The following TULP4 variants were observed in gnomAD, a reference collection of about 807,000 sequenced individuals.
TULP4 encodes the protein tubby-related protein 4.
A neutral mutation model predicts 129.0 loss-of-function variants in TULP4; 16 were observed. That is an observed-to-expected ratio of 0.12 (90% CI 0.08 to 0.19). TULP4 has a LOEUF of 0.19. TULP4 is among the 10% of genes least tolerant of loss of function. TULP4 has a pLI of 1.00. For missense variants in TULP4, 1,842 were observed against 2,059.1 expected (o/e 0.89, Z 2.04); for synonymous variants, 998 against 854.0 (o/e 1.17, Z -2.94).
rs1279412556 is a variant in TULP4, at chr6:158,509,981, A to AT, written c.*3289dup. Reference sequence around the variant, plus strand: ...TAGTTTATGAATATCAAGATACCTCATTGAATCCCTAAATTTAAAAGCAGT... The same window carrying AT: ...TAGTTTATGAATATCAAGATACCTCATTTGAATCCCTAAATTTAAAAGCAGT... On this transcript the variant is annotated 3_prime_UTR_variant, in exon 14 of 14. Coordinates refer to ENST00000367097, the MANE Select transcript of TULP4 (RefSeq NM_020245.5). The AT allele has an allele frequency of 6.6e-6, 1 of 152,298 alleles. No individual in the cohort carries two copies. Among genetic ancestry groups the AT allele is most frequent in the Non-Finnish European group, 1.5e-5 (1 of 68,034 alleles). 9.4% of individuals were successfully genotyped at this position (152,298 alleles called of 1,614,324 possible).
chr6:158,332,182 AAAAAAAAAAAAAAAAAAAATATATAT>A lies in TULP4; in HGVS notation c.252+17916_252+17941del, dbSNP rs1174335185. Among the ~76,000 whole-genome samples the A allele has an allele frequency of 8.2e-4, 70 of 85,856 alleles. 1 individual carries two copies. Among genetic ancestry groups the A allele is most frequent in the South Asian group, 2.1e-3 (6 of 2,878 alleles). The allele number at this position is 85,856 out of a possible 152,430, so 56.3% of individuals were successfully genotyped here. A position where few individuals can be genotyped will look rare whatever the true frequency, so the allele number is the denominator to read the frequency against. ...GTAAGACTCTGTCAAAAAAAAAAAA[AAAAAAAAAAAAAAAAAAAATATATAT>A]ATATATATATATATATATATAAATT... is the stretch of plus-strand genomic sequence containing the variant. On this transcript the variant is annotated intron_variant, in intron 1 of 13. Coordinates refer to ENST00000367097, the MANE Select transcript of TULP4 (RefSeq NM_020245.5).
At chr6:158,367,833 G>T (rs2114863276) in intron 1 of TULP4, among the ~76,000 whole-genome samples, 1 of 151,700 alleles carries the variant, frequency 6.6e-6, no homozygotes, top group Non-Finnish European at 1.5e-5. Context: ...TGAAGTTCTG[G>T]GTTTTCCATC....
chr6:158,470,404 T>C (rs828140), intron 6 of TULP4, among the ~76,000 whole-genome samples: 111,209 of 152,244 alleles, frequency 0.73, 41,964 homozygotes, highest in African/African-American at 0.93. Flanking sequence ...GTTGCCGGCT[T>C]GAATGCCTGG....
At chr6:158,438,444 C>T (rs969842955) in intron 3 of TULP4, among the ~76,000 whole-genome samples, 117 of 152,174 alleles carry the variant, frequency 7.7e-4, no homozygotes, top group Non-Finnish European at 1.0e-3. Flanking sequence ...ACCTGCAGCA[C>T]CGGAGAGGCA....
At chr6:158,350,618 G>A (rs1489403535) in intron 1 of TULP4, among the ~76,000 whole-genome samples, 7 of 152,138 alleles carry the variant, frequency 4.6e-5, no homozygotes, top group Admixed American at 1.3e-4. Context: ...CCAGGCACTC[G>A]GCAGGCCGAG....
At chr6:158,273,654 T>C (rs1778588470) in intron 1 of TULP4, among the ~76,000 whole-genome samples, 1 of 152,218 alleles carries the variant, frequency 6.6e-6, no homozygotes, top group Non-Finnish European at 1.5e-5. Flanking sequence ...TTGGGAATTA[T>C]TCATAACTGT....
At chr6:158,274,662 A>G (rs113317328) in intron 1 of TULP4, among the ~76,000 whole-genome samples, 1 of 151,856 alleles carries the variant, frequency 6.6e-6, no homozygotes, top group South Asian at 2.1e-4. Flanking sequence ...CTGTAGTCCC[A>G]GCTACTCGGG....
rs1562572660 is a variant in TULP4 at position 158,453,509 on chromosome 6, A to AG, written c.859+1242dup. On this transcript the variant is annotated intron_variant, in intron 5 of 13. Coordinates refer to ENST00000367097, the MANE Select transcript of TULP4 (RefSeq NM_020245.5). ...ACAAAAAAAAAAAAAAAAAAAAAAA[A>AG]GCCGGGCACGGTAGCTCACGCCTGT... Among the ~76,000 whole-genome samples, 94 of 128,266 alleles carry AG rather than the reference A, an allele frequency of 7.3e-4. 1 individual carries two copies. The highest frequency in any genetic ancestry group is 2.8e-3 in the African/African-American group (89 of 32,056). The allele number at this position is 128,266 out of a possible 152,430, so 84.1% of individuals were successfully genotyped here. A position where few individuals can be genotyped will look rare whatever the true frequency, so the allele number is the denominator to read the frequency against.
intron 6 of TULP4, among the ~76,000 whole-genome samples, chr6:158,475,085 GTCTTGTGTACTA>G (rs1779787635): frequency 1.3e-5 from 2 of 152,280 alleles, no homozygotes; most frequent in Admixed American, 1.3e-4. Flanking sequence ...CGCATGGCAT[GTCTTGTGTACTA>G]GCAGGAGGAG....
chr6:158,428,949 A>G (rs964587337), intron 2 of TULP4, among the ~76,000 whole-genome samples: 6 of 152,210 alleles, frequency 3.9e-5, no homozygotes, highest in African/African-American at 9.7e-5. Flanking sequence ...CTGGTGATGC[A>G]CAGTATGCAC....
intron 6 of TULP4, among the ~76,000 whole-genome samples, chr6:158,472,016 T>C (rs773395458): frequency 7.2e-5 from 11 of 152,226 alleles, no homozygotes; most frequent in Non-Finnish European, 1.3e-4. Context: ...TGGCATTGTG[T>C]TCCTTCTACA....
intron 1 of TULP4, among the ~76,000 whole-genome samples, chr6:158,368,066 C>CA (rs3085241): frequency 0.054 from 3,508 of 64,882 alleles, 163 homozygotes; most frequent in African/African-American, 0.064. Flanking sequence ...ACCCTGTCTC[C>CA]AAAAAAAAAA....
chr6:158,427,471 CTTTTTTTTTTTTTTTTTTTTTTTTT>C (rs557678837), intron 2 of TULP4, among the ~76,000 whole-genome samples: 51 of 74,138 alleles, frequency 6.9e-4, no homozygotes, highest in South Asian at 1.2e-3. Flanking sequence ...ATTATCAGAC[CTTTTTTTTTTTTTTTTTTTTTTTTT>C]TTTTTTTTTT....
rs138456300 is a variant in TULP4, at chr6:158,436,088, C to T, written c.543+6191C>T. Among the ~76,000 whole-genome samples, 49 of 152,172 alleles carry T rather than the reference C, an allele frequency of 3.2e-4. No homozygotes were observed. The East Asian group carries it at 8.9e-3, about 28-fold the overall frequency. On this transcript the variant is annotated intron_variant, in intron 3 of 13. Coordinates refer to ENST00000367097, the MANE Select transcript of TULP4 (RefSeq NM_020245.5). Reference sequence around the variant, plus strand: ...TGCGCCACCATGCCTGGCTAATTTTCGTATTTTTAGTAAAGACGGGGTTGG... The same window carrying T: ...TGCGCCACCATGCCTGGCTAATTTTTGTATTTTTAGTAAAGACGGGGTTGG...
Position 158,507,999 on chromosome 6 carries a change from A to T in TULP4, c.*1305A>T, listed in dbSNP as rs1780642678. ...CTAAACCACTGAGAAAACGTTATTA[A>T]AATTGTAATACCTAGGTAGTTGGTT... is the stretch of plus-strand genomic sequence containing the variant. On this transcript the variant is annotated 3_prime_UTR_variant, in exon 14 of 14. Transcript: ENST00000367097. 6.6e-6 allele frequency: 1 copy of T among 152,194 alleles called. No homozygotes were observed. Among genetic ancestry groups the T allele is most frequent in the Non-Finnish European group, 1.5e-5 (1 of 68,036 alleles). The allele number at this position is 152,194 out of a possible 1,614,324, so 9.4% of individuals were successfully genotyped here. A position where few individuals can be genotyped will look rare whatever the true frequency, so the allele number is the denominator to read the frequency against.
intron 1 of TULP4, chr6:158,242,370 G>GA (rs1468335484): frequency 6.0e-6 from 9 of 1,508,624 alleles, no homozygotes; most frequent in Non-Finnish European, 8.3e-6. Flanking sequence ...AACAACTGCT[G>GA]AAGGGTTTGT....
chr6:158,496,269 TA>T (rs1440928145), intron 11 of TULP4, among the ~76,000 whole-genome samples: 3 of 152,258 alleles, frequency 2.0e-5, no homozygotes, highest in Non-Finnish European at 4.4e-5. Context: ...CGTAACCTAC[TA>T]AAACTGGTTT....
chr6:158,480,307 T>C (rs558902324), intron 7 of TULP4, among the ~76,000 whole-genome samples: 7 of 152,388 alleles, frequency 4.6e-5, no homozygotes, highest in African/African-American at 1.7e-4. Flanking sequence ...AAATCTGTCT[T>C]GTTCAGTCCT....
In TULP4 at chr6:158,463,199, T is replaced by C. The variant is rs554221933; in HGVS notation, c.1026+1470T>C. On this transcript the variant is annotated intron_variant, in intron 6 of 13. Transcript: ENST00000367097. The stretch of plus-strand genomic sequence containing the variant: ...GCATGTCCTGAACCCTGTCACACTC[T>C]GATTTTATATTTGTTATGCCAGTGA... 1.8e-4 allele frequency among the ~76,000 whole-genome samples: 28 copies of C among 152,372 alleles called. 1 individual carries two copies. The South Asian group carries it at 5.8e-3, about 32-fold the overall frequency.
Sources: gnomAD v4.1 joint callset for allele counts (sites outside exome capture counted in the v4.1 genomes callset) on GRCh38, gnomAD v4.1.1 for gene constraint, MANE v1.5 for transcripts, NCBI Gene and HGNC (gene_info 2026-07-23, HGNC 2026-07-21) for gene names.